Variants in ATP2B2 observed in about 807,000 individuals in gnomAD.
The protein encoded by ATP2B2 is ATPase plasma membrane Ca2+ transporting 2.
In ATP2B2, 15 loss-of-function variants were observed where a neutral mutation model predicts 120.0. The observed-to-expected ratio is 0.12, with a 90% confidence interval of 0.08 to 0.19. ATP2B2 has a LOEUF of 0.19. Ranked by LOEUF, ATP2B2 falls within the 10% of genes least tolerant of loss-of-function variation. ATP2B2 has a pLI of 1.00. For synonymous variants in ATP2B2, 694 were observed against 700.3 expected (o/e 0.99, Z 0.14); for missense variants, 1,045 against 1,719.8 (o/e 0.61, Z 6.94).
At chr3:10,460,322 G>C (rs1370203380) in intron 1 of ATP2B2, among the ~76,000 whole-genome samples, 1 of 152,212 alleles carries the variant, frequency 6.6e-6, no homozygotes, top group Non-Finnish European at 1.5e-5. Context: ...GCTTCCCTGG[G>C]AGCTGTCCTC....
Position 10,342,251 on chromosome 3 carries a change from A to G in ATP2B2, c.2917+501T>C, listed in dbSNP as rs75007375. On this transcript the variant is annotated intron_variant, in intron 19 of 22. Transcript: ENST00000360273. The surrounding 1 kb of genome is among the most constrained non-coding windows in gnomAD (Gnocchi z 4.4). ...CGTTTGTAATGTGGGGTGGAGGCAA[A>G]TGTGCTTGCCTCACTGAGTGGAAGA... 2.9e-4 allele frequency among the ~76,000 whole-genome samples: 44 copies of G among 152,262 alleles called. No individual in the cohort carries two copies. Among genetic ancestry groups the G allele is most frequent in the African/African-American group, 9.9e-4 (41 of 41,564 alleles).
chr3:10,484,057 G>A (rs938925150), intron 1 of ATP2B2, among the ~76,000 whole-genome samples: 1 of 152,224 alleles, frequency 6.6e-6, no homozygotes, highest in African/African-American at 2.4e-5. Context: ...GCAACGACTA[G>A]GCCTCTCTGA....
At position 10,410,619 on chromosome 3, in the gene ATP2B2, T is replaced by C; in HGVS notation, c.396A>G (p.Glu132=). 1 of 1,603,358 alleles carries C rather than the reference T, an allele frequency of 6.2e-7. No individual in the cohort carries two copies. Among genetic ancestry groups the C allele is most frequent in the South Asian group, 1.1e-5 (1 of 89,970 alleles). ...SFYHPPGEGN[E]GCATAQGGAE... ...TCGTGGGTCTGAGGCCCATCTTACC[T>C]TCGTTGCCCTCGCCGGGCGGGTGGT... The change falls in exon 3 of 23, where the codon GAA becomes GAG. Residue 132 remains glutamate (E), a splice_region_variant and synonymous_variant. Transcript: ENST00000360273.
intron 1 of ATP2B2, among the ~76,000 whole-genome samples, chr3:10,475,124 G>A (rs2065154743): frequency 6.6e-6 from 1 of 152,248 alleles, no homozygotes; most frequent in Non-Finnish European, 1.5e-5. Flanking sequence ...AGCACGAGGG[G>A]TGGCCACACT....
chr3:10,625,593 AG>A (rs1277294991), intron 1 of ATP2B2, among the ~76,000 whole-genome samples: 4 of 152,014 alleles, frequency 2.6e-5, no homozygotes, highest in Admixed American at 2.0e-4. Context: ...TTTGTGGAGG[AG>A]GGGGAGGTGT....
intron 3 of ATP2B2, among the ~76,000 whole-genome samples, chr3:10,405,984 T>C (rs1205227575): frequency 6.6e-6 from 1 of 152,064 alleles, no homozygotes; most frequent in Non-Finnish European, 1.5e-5. Context: ...TGCCTAGAGG[T>C]CTCTGAGCCA....
intron 1 of ATP2B2, among the ~76,000 whole-genome samples, chr3:10,461,581 T>C (rs1302236124): frequency 6.6e-6 from 1 of 152,186 alleles, no homozygotes; most frequent in African/African-American, 2.4e-5. Flanking sequence ...GCTACCTATG[T>C]TGGCATCACT....
intron 1 of ATP2B2, among the ~76,000 whole-genome samples, chr3:10,667,246 GA>G (rs970676633): frequency 6.6e-6 from 1 of 152,198 alleles, no homozygotes; most frequent in African/African-American, 2.4e-5. Context: ...TATAGATGAG[GA>G]AACTGAGGCA....
At chr3:10,428,551 C>T (rs1444847481) in intron 2 of ATP2B2, among the ~76,000 whole-genome samples, 1 of 152,212 alleles carries the variant, frequency 6.6e-6, no homozygotes, top group Non-Finnish European at 1.5e-5. Flanking sequence ...AACCCCTCCC[C>T]TCACTGGGCC....
chr3:10,616,522 C>T (rs1399997665), intron 2 of ATP2B2, among the ~76,000 whole-genome samples: 4 of 152,196 alleles, frequency 2.6e-5, no homozygotes, highest in Non-Finnish European at 5.9e-5. Flanking sequence ...AATACAGGCT[C>T]AAAGCCAGCT....
intron 1 of ATP2B2, among the ~76,000 whole-genome samples, chr3:10,651,813 A>G (rs2070475329): frequency 6.6e-6 from 1 of 152,164 alleles, no homozygotes; most frequent in Non-Finnish European, 1.5e-5. Context: ...TAGTAGATTT[A>G]GCTAGTGTCA....
At chr3:10,467,295 G>C (rs2064787921) in intron 1 of ATP2B2, among the ~76,000 whole-genome samples, 1 of 152,212 alleles carries the variant, frequency 6.6e-6, no homozygotes, top group South Asian at 2.1e-4. Context: ...GTGGACCACT[G>C]GTTATGCCTT....
At chr3:10,495,198 A>G (rs889969097) in intron 1 of ATP2B2, among the ~76,000 whole-genome samples, 1 of 152,188 alleles carries the variant, frequency 6.6e-6, no homozygotes, top group Non-Finnish European at 1.5e-5. Flanking sequence ...CCAGGTATGA[A>G]TCACCCTATT....
At chr3:10,419,501 C>T (rs1469031366) in intron 2 of ATP2B2, among the ~76,000 whole-genome samples, 3 of 152,210 alleles carry the variant, frequency 2.0e-5, no homozygotes, top group African/African-American at 7.2e-5. Context: ...TAGCTTGTGT[C>T]ACAGAACACC....
intron 2 of ATP2B2, among the ~76,000 whole-genome samples, chr3:10,416,925 G>T (rs1399387423): frequency 6.6e-6 from 1 of 151,994 alleles, no homozygotes; most frequent in Non-Finnish European, 1.5e-5. Context: ...GCCGGGCAGA[G>T]GCACTTCTCA....
At chr3:10,386,452 C>T (rs1172088128) in intron 7 of ATP2B2, 28 bp downstream of exon 7, 41 of 1,611,994 alleles carry the variant, frequency 2.5e-5, no homozygotes, top group Non-Finnish European at 3.4e-5. Flanking sequence ...TCTAAAAGCC[C>T]ATCTACCCTG....
chr3:10,685,517 T>A (rs757501870), intron 1 of ATP2B2, among the ~76,000 whole-genome samples: 16 of 149,700 alleles, frequency 1.1e-4, no homozygotes, highest in South Asian at 2.2e-4. Flanking sequence ...AGAGAGAGAG[T>A]GTGTGTATGT....
chr3:10,682,347 A>G (rs2071403529), intron 1 of ATP2B2, among the ~76,000 whole-genome samples: 1 of 152,194 alleles, frequency 6.6e-6, no homozygotes, highest in Non-Finnish European at 1.5e-5. Context: ...GGAAGCACAA[A>G]TCACAGCACT....
Position 10,372,178 on chromosome 3 carries a change from G to A in ATP2B2, c.1417-127C>T, listed in dbSNP as rs765300824. 1.8e-5 allele frequency: 25 copies of A among 1,354,404 alleles called. 1 individual carries two copies. The highest frequency in any genetic ancestry group is 1.7e-4 in the East Asian group (7 of 41,698). The allele number at this position is 1,354,404 out of a possible 1,614,324, so 83.9% of individuals were successfully genotyped here. ...CACCACAGCCTGCCCCTTTGCTTCCGGCACTTGTAAAGGATCTTGGTTGCT... is the reference window on the plus strand; with the variant it reads ...CACCACAGCCTGCCCCTTTGCTTCCAGCACTTGTAAAGGATCTTGGTTGCT... On this transcript the variant is annotated intron_variant, in intron 11 of 22. Coordinates refer to ENST00000360273, the MANE Select transcript of ATP2B2 (RefSeq NM_001001331.4).
Sources: gnomAD v4.1 joint callset for allele counts (sites outside exome capture counted in the v4.1 genomes callset) on GRCh38, gnomAD v4.1.1 for gene constraint, Gnocchi (gnomAD v3.1) non-coding constraint, MANE v1.5 for transcripts, NCBI Gene and HGNC (gene_info 2026-07-23, HGNC 2026-07-21) for gene names.